TMCO4: variants seen among roughly 807,000 people sequenced by gnomAD.
TMCO4 encodes the protein transmembrane and coiled-coil domains 4.
A neutral mutation model predicts 64.7 loss-of-function variants in TMCO4; 58 were observed. That is an observed-to-expected ratio of 0.90 (90% CI 0.73 to 1.12). The LOEUF (loss-of-function observed/expected upper bound fraction) is 1.12. TMCO4 is among the 50% of genes most tolerant of loss of function. The pLI is 0.00. For missense variants in TMCO4, 780 were observed against 825.9 expected, an observed-to-expected ratio of 0.94 and a Z score of 0.68; for synonymous variants, 325 against 346.1, an observed-to-expected ratio of 0.94 and a Z score of 0.68.
chr1:19,757,719 C>G (rs181089624), intron 6 of TMCO4, among the ~76,000 whole-genome samples: 25 of 152,262 alleles, frequency 1.6e-4, no homozygotes, highest in African/African-American at 5.8e-4. Flanking sequence ...TTGTACTCAT[C>G]ATATCTTACT....
chr1:19,720,583 G>A (rs2095377809), intron 13 of TMCO4, among the ~76,000 whole-genome samples: 1 of 152,148 alleles, frequency 6.6e-6, no homozygotes, highest in African/African-American at 2.4e-5. Context: ...TTTAGTGGCT[G>A]TATTTCCTGA....
intron 7 of TMCO4, among the ~76,000 whole-genome samples, chr1:19,753,349 G>A (rs950034591): frequency 1.3e-5 from 2 of 152,300 alleles, no homozygotes; most frequent in Non-Finnish European, 2.9e-5. Context: ...CTTTTGATAT[G>A]TGTTAAGTAA....
At chr1:19,771,177 A>C (rs2042963193) in intron 5 of TMCO4, 131 bp downstream of exon 5, 2 of 959,564 alleles carry the variant, frequency 2.1e-6, no homozygotes, top group Middle Eastern at 3.0e-4. Flanking sequence ...TATGATCATG[A>C]TATGATATTA....
chr1:19,699,216 G>A (rs560894519), intron 14 of TMCO4, among the ~76,000 whole-genome samples: 44 of 151,410 alleles, frequency 2.9e-4, no homozygotes, highest in African/African-American at 1.0e-3. Flanking sequence ...AAAGGCATGT[G>A]CTATGTGAGT....
chr1:19,791,729 C>A (rs1182003267), intron 2 of TMCO4, among the ~76,000 whole-genome samples: 1 of 152,220 alleles, frequency 6.6e-6, no homozygotes, highest in Non-Finnish European at 1.5e-5. Flanking sequence ...ACCTAAGACA[C>A]ACAGGGCTGG....
intron 15 of TMCO4, among the ~76,000 whole-genome samples, chr1:19,687,442 G>A (rs2095158284): frequency 6.6e-6 from 1 of 152,178 alleles, no homozygotes; most frequent in Non-Finnish European, 1.5e-5. Flanking sequence ...CTACCTAAAG[G>A]AGTTGCTGGG....
At position 19,720,005 on chromosome 1, in the gene TMCO4, ATTTTTTT is replaced by A. The variant is rs56755114; in HGVS notation, c.1264+17360_1264+17366del. On this transcript the variant is annotated intron_variant, in intron 13 of 15. Coordinates refer to ENST00000294543, the MANE Select transcript of TMCO4 (RefSeq NM_181719.7). ...AGATTCCTTCTCAAAAAGGAAAATA[ATTTTTTT>A]TTTTTTTTTTTTTGTAGAGATGGCG... Among the ~76,000 whole-genome samples the A allele has an allele frequency of 2.9e-3, 343 of 116,954 alleles. 1 individual carries two copies. Among genetic ancestry groups the A allele is most frequent in the African/African-American group, 9.7e-3 (298 of 30,768 alleles). The allele number at this position is 116,954 out of a possible 152,430, so 76.7% of individuals were successfully genotyped here.
At chr1:19,784,271 C>A (rs1035441856) in intron 3 of TMCO4, among the ~76,000 whole-genome samples, 2 of 152,146 alleles carry the variant, frequency 1.3e-5, no homozygotes, top group African/African-American at 2.4e-5. Context: ...CGGTAGCTCA[C>A]GCCTGTAATC....
At chr1:19,724,903 A>G (rs1262221074) in intron 13 of TMCO4, among the ~76,000 whole-genome samples, 1 of 152,184 alleles carries the variant, frequency 6.6e-6, no homozygotes, top group Non-Finnish European at 1.5e-5. Flanking sequence ...CTGGGACTAC[A>G]GGCGCACACC....
chr1:19,699,406 AG>A lies in TMCO4; in HGVS notation c.1382+1361del, dbSNP rs2095256877. 2.6e-5 allele frequency among the ~76,000 whole-genome samples: 4 copies of A among 151,536 alleles called. No individual in the cohort carries two copies. The South Asian group carries it at 8.3e-4, about 32-fold the overall frequency. On this transcript the variant is annotated intron_variant, in intron 14 of 15. Transcript: ENST00000294543. ...AGTTGTTTGTCTAAACCCATTCAAA[AG>A]GTAAATGGCAGAGGCAAGATTTTAA...
Position 19,701,639 on chromosome 1 carries a change from G to A in TMCO4, c.1265-754C>T, listed in dbSNP as rs552206746. Among the ~76,000 whole-genome samples, 7 of 152,100 alleles carry A rather than the reference G, an allele frequency of 4.6e-5. No individual in the cohort carries two copies. The South Asian group carries it at 1.0e-3, about 23-fold the overall frequency. On this transcript the variant is annotated intron_variant, in intron 13 of 15. Coordinates refer to ENST00000294543, the MANE Select transcript of TMCO4 (RefSeq NM_181719.7). The stretch of plus-strand genomic sequence containing the variant: ...ATGTCTTCCTTTAGAAGAGACTAAC[G>A]GGCCCCGCATCATCTTGCATGCCAG...
chr1:19,700,495 C>T (rs982160979), intron 14 of TMCO4, among the ~76,000 whole-genome samples: 1 of 152,148 alleles, frequency 6.6e-6, no homozygotes, highest in Non-Finnish European at 1.5e-5. Flanking sequence ...CCAAGCCGCC[C>T]CAGCCTCTCC....
chr1:19,702,810 T>C lies in TMCO4; in HGVS notation c.1265-1925A>G, dbSNP rs569725387. Among the ~76,000 whole-genome samples the C allele has an allele frequency of 2.7e-5, 4 of 147,090 alleles. No individual in the cohort carries two copies. In the East Asian group the frequency reaches 7.8e-4, roughly 29 times the overall value. ...ACCAAAGTGCAATCCAATTGTTCTGTAAGTACAGAAATAGAGAAGCCAACA... is the reference window on the plus strand; with the variant it reads ...ACCAAAGTGCAATCCAATTGTTCTGCAAGTACAGAAATAGAGAAGCCAACA... On this transcript the variant is annotated intron_variant, in intron 13 of 15. Transcript: ENST00000294543.
chr1:19,713,549 T>A (rs1357510557), intron 13 of TMCO4, among the ~76,000 whole-genome samples: 1 of 151,828 alleles, frequency 6.6e-6, no homozygotes. Flanking sequence ...TTAGGCAAGA[T>A]CCAGGTGGGC....
intron 7 of TMCO4, among the ~76,000 whole-genome samples, chr1:19,747,482 T>C (rs2041845099): frequency 6.6e-6 from 1 of 152,172 alleles, no homozygotes; most frequent in Admixed American, 6.6e-5. Flanking sequence ...ACTTACCCAA[T>C]GGATCCATCC....
At chr1:19,758,327 T>C (rs564500789) in intron 6 of TMCO4, among the ~76,000 whole-genome samples, 1 of 152,194 alleles carries the variant, frequency 6.6e-6, no homozygotes, top group South Asian at 2.1e-4. Context: ...TAAACTTCCA[T>C]GGAAAAAAGG....
chr1:19,741,822 C>T (rs1570846661), intron 10 of TMCO4, among the ~76,000 whole-genome samples: 1 of 151,310 alleles, frequency 6.6e-6, no homozygotes, highest in Admixed American at 6.6e-5. Flanking sequence ...CTGCAACCTC[C>T]GCCTCCCAGG....
At position 19,682,962 on chromosome 1, in the gene TMCO4, C is replaced by G. The variant is rs2095113665; in HGVS notation, c.*78G>C. On this transcript the variant is annotated 3_prime_UTR_variant, in exon 16 of 16. Coordinates refer to ENST00000294543, the MANE Select transcript of TMCO4 (RefSeq NM_181719.7). ...CTGTGGAAATCCTGTACCTCCAGAGCTCCTGGGAGGAACCCGAGGGTATAA... is the reference window on the plus strand; with the variant it reads ...CTGTGGAAATCCTGTACCTCCAGAGGTCCTGGGAGGAACCCGAGGGTATAA... 6.7e-7 allele frequency: 1 copy of G among 1,491,804 alleles called. No homozygotes were observed. The highest frequency in any genetic ancestry group is 9.0e-7 in the Non-Finnish European group (1 of 1,111,412). The allele number at this position is 1,491,804 out of a possible 1,614,324, so 92.4% of individuals were successfully genotyped here.
chr1:19,763,509 GT>G (rs1196455326), intron 6 of TMCO4, among the ~76,000 whole-genome samples: 3 of 152,182 alleles, frequency 2.0e-5, no homozygotes, highest in Non-Finnish European at 2.9e-5. Context: ...AAATTGTCAT[GT>G]TTCCTCCTTC....
Sources: gnomAD v4.1 joint callset for allele counts (sites outside exome capture counted in the v4.1 genomes callset) on GRCh38, gnomAD v4.1.1 for gene constraint, MANE v1.5 for transcripts, NCBI Gene and HGNC (gene_info 2026-07-23, HGNC 2026-07-21) for gene names.